The following ELMO1 variants were observed in gnomAD, a reference collection of about 807,000 sequenced individuals.
The protein encoded by ELMO1 is engulfment and cell motility protein 1.
Under a neutral mutation model 98.9 loss-of-function variants are expected in ELMO1, and 26 were observed. The ratio of observed to expected loss-of-function variants is 0.26; its 90% CI spans 0.19 to 0.36. The LOEUF is 0.36. Among genes scored for constraint, ELMO1 ranks in the 10% least tolerant of loss-of-function variants. The probability of loss-of-function intolerance (pLI) is 1.00; values close to 1 mark genes in which losing one functional copy is unlikely to be tolerated. For missense variants in ELMO1, 627 were observed against 935.2 expected (o/e 0.67, Z 4.30); for synonymous variants, 346 against 346.0 (o/e 1.00, Z 0.00).
chr7:37,437,835 C>T (rs1353236924), intron 1 of ELMO1, among the ~76,000 whole-genome samples: 4 of 58,312 alleles, frequency 6.9e-5, no homozygotes, highest in Admixed American at 2.0e-4. Context: ...TAGCCGGGCG[C>T]GGTGGCGGGC....
chr7:36,856,041 G>T (rs1378090586), intron 21 of ELMO1, among the ~76,000 whole-genome samples: 1 of 152,212 alleles, frequency 6.6e-6, no homozygotes, highest in Non-Finnish European at 1.5e-5. Flanking sequence ...TCTTTGCAAA[G>T]AATGCTTCTC....
chr7:36,977,557 A>C (rs78830688), intron 16 of ELMO1, among the ~76,000 whole-genome samples: 4 of 152,376 alleles, frequency 2.6e-5, no homozygotes, highest in Non-Finnish European at 4.4e-5. Context: ...TTAGTTGCAA[A>C]TTCTTTCTCC....
chr7:36,996,317 CCTTTT>C (rs1398060275), intron 16 of ELMO1, among the ~76,000 whole-genome samples: 3 of 152,050 alleles, frequency 2.0e-5, no homozygotes, highest in South Asian at 2.1e-4. Context: ...TGTGCTTTTT[CCTTTT>C]AAGACCTTAT....
intron 1 of ELMO1, among the ~76,000 whole-genome samples, chr7:37,384,538 G>T (rs545469921): frequency 1.3e-5 from 2 of 152,174 alleles, no homozygotes; most frequent in African/African-American, 4.8e-5. Flanking sequence ...GGCTAACAAG[G>T]TGAAACCCCG....
chr7:36,855,552 C>A lies in ELMO1; in HGVS notation c.2183G>T (p.Ter728LeuextTer15), dbSNP rs761208793. The change falls in exon 22 of 22, where the codon TGA (stop) becomes TTA (leucine). Residue 728 changes from the stop codon to leucine, a stop_lost. Transcript: ENST00000310758. This position sits in a 1 kb window ranked among gnomAD's most constrained non-coding sequence, Gnocchi z 4.2. ...SNYDFVYDCN* is the reference protein window; with the variant it reads ...SNYDFVYDCNL The stretch of plus-strand genomic sequence containing the variant: ...GGGGCATGTCTGGGCCCGGCCACTT[C>A]AGTTACAGTCATAGACGAAGTCATA... 6.2e-7 allele frequency: 1 copy of A among 1,614,028 alleles called. No individual in the cohort carries two copies. Among genetic ancestry groups the A allele is most frequent in the Non-Finnish European group, 8.5e-7 (1 of 1,179,972 alleles).
At chr7:37,072,871 A>C (rs925222487) in intron 15 of ELMO1, among the ~76,000 whole-genome samples, 6 of 152,230 alleles carry the variant, frequency 3.9e-5, no homozygotes, top group Admixed American at 3.3e-4. Context: ...CCTTTCTCAT[A>C]AAAGAGCCAA....
At chr7:37,013,693 C>G (rs749240396) in intron 15 of ELMO1, 5 of 398,528 alleles carry the variant, frequency 1.3e-5, no homozygotes, top group South Asian at 3.5e-5. Context: ...CATGCCAGGA[C>G]AAGACCCTCT....
At chr7:36,884,941 T>C (rs1209760177) in intron 18 of ELMO1, among the ~76,000 whole-genome samples, 1 of 152,202 alleles carries the variant, frequency 6.6e-6, no homozygotes, top group African/African-American at 2.4e-5. Flanking sequence ...AGGCAGGCGG[T>C]TGTCCATCCC....
intron 1 of ELMO1, among the ~76,000 whole-genome samples, chr7:37,443,507 C>A (rs181778830): frequency 6.6e-6 from 1 of 152,216 alleles, no homozygotes; most frequent in Non-Finnish European, 1.5e-5. Context: ...TTCTCCCACA[C>A]GTATTCCTAT....
chr7:37,334,012 T>C (rs979836835), intron 2 of ELMO1, among the ~76,000 whole-genome samples: 2 of 152,156 alleles, frequency 1.3e-5, no homozygotes, highest in Non-Finnish European at 2.9e-5. Context: ...GTGATAAATT[T>C]CAAGGGCTTC....
chr7:37,342,803 G>C lies in ELMO1; in HGVS notation c.-73-40C>G. On this transcript the variant is annotated intron_variant, in intron 1 of 21. Coordinates refer to ENST00000310758, the MANE Select transcript of ELMO1 (RefSeq NM_014800.11). The surrounding 1 kb of genome is among the most constrained non-coding windows in gnomAD (Gnocchi z 4.3). ...CAGAAAAAGAAAGAGAAGTCACTCA[G>C]TGCAGATGCAGGGTGAATTTTGCTT... The C allele has an allele frequency of 2.0e-6, 2 of 975,704 alleles. No individual in the cohort carries two copies. Among genetic ancestry groups the C allele is most frequent in the Non-Finnish European group, 3.0e-6 (2 of 655,758 alleles). The allele number at this position is 975,704 out of a possible 1,614,324, so 60.4% of individuals were successfully genotyped here.
chr7:36,901,001 T>C (rs1806466272), intron 16 of ELMO1, among the ~76,000 whole-genome samples: 1 of 151,328 alleles, frequency 6.6e-6, no homozygotes, highest in African/African-American at 2.4e-5. Context: ...CAGGGATCGC[T>C]TTGGGGCTAC....
At chr7:36,948,077 C>A (rs1787655394) in intron 16 of ELMO1, among the ~76,000 whole-genome samples, 1 of 152,122 alleles carries the variant, frequency 6.6e-6, no homozygotes, top group Non-Finnish European at 1.5e-5. Context: ...GCAGAAGATG[C>A]TCAATAAGTG....
intron 18 of ELMO1, among the ~76,000 whole-genome samples, chr7:36,883,136 G>A (rs1240704060): frequency 6.6e-6 from 1 of 152,198 alleles, no homozygotes; most frequent in Non-Finnish European, 1.5e-5. Context: ...GTTGGCAGGA[G>A]TGGTAGGTAC....
chr7:36,987,033 C>T (rs188039931), intron 16 of ELMO1, among the ~76,000 whole-genome samples: 7 of 152,314 alleles, frequency 4.6e-5, no homozygotes, highest in Non-Finnish European at 7.4e-5. Context: ...CCTCAGAGGG[C>T]ACTGCGGTGG....
intron 5 of ELMO1, among the ~76,000 whole-genome samples, chr7:37,263,267 T>C (rs949339216): frequency 7.3e-5 from 11 of 150,340 alleles, no homozygotes; most frequent in African/African-American, 2.2e-4. Flanking sequence ...TTATATATTT[T>C]ATATATATAA....
intron 13 of ELMO1, among the ~76,000 whole-genome samples, chr7:37,150,591 G>A (rs528581368): frequency 2.0e-5 from 3 of 152,182 alleles, no homozygotes; most frequent in Non-Finnish European, 4.4e-5. Flanking sequence ...AATCTCTATA[G>A]TAGTATATAG....
chr7:37,166,176 G>C (rs1300442920), intron 13 of ELMO1, among the ~76,000 whole-genome samples: 1 of 152,126 alleles, frequency 6.6e-6, no homozygotes, highest in East Asian at 1.9e-4. Context: ...TGTGGGATTG[G>C]TGGTGATATC....
chr7:37,005,018 A>C (rs1484577336), intron 16 of ELMO1, among the ~76,000 whole-genome samples: 1 of 146,614 alleles, frequency 6.8e-6, no homozygotes, highest in East Asian at 2.2e-4. Flanking sequence ...CCAAGGCAGG[A>C]GAATCGCTTG....
Sources: gnomAD v4.1 joint callset for allele counts (sites outside exome capture counted in the v4.1 genomes callset) on GRCh38, gnomAD v4.1.1 for gene constraint, Gnocchi (gnomAD v3.1) non-coding constraint, MANE v1.5 for transcripts, NCBI Gene and HGNC (gene_info 2026-07-23, HGNC 2026-07-21) for gene names.